MATN2: variants seen among roughly 807,000 people sequenced by gnomAD.
The protein encoded by MATN2 is matrilin 2.
A neutral mutation model predicts 103.2 loss-of-function variants in MATN2; 69 were observed. That is an observed-to-expected ratio of 0.67 (90% CI 0.55 to 0.82). The LOEUF is 0.82. MATN2 is among the 40% of genes least tolerant of loss of function. The pLI, the probability that MATN2 is intolerant of heterozygous loss-of-function variation, is 0.00. For missense variants in MATN2, 1,023 were observed against 1,211.5 expected (o/e 0.84, Z 2.31); for synonymous variants, 429 against 450.2 (o/e 0.95, Z 0.60).
At chr8:97,944,845 A>G (rs1366366690) in intron 4 of MATN2, among the ~76,000 whole-genome samples, 1 of 152,172 alleles carries the variant, frequency 6.6e-6, no homozygotes, top group Non-Finnish European at 1.5e-5. Context: ...AGCTGTTTCC[A>G]CTTAATTTCC....
rs1363938455 is a variant in MATN2 at position 97,888,212 on chromosome 8, G to T, written c.112G>T (p.Ala38Ser). The T allele has an allele frequency of 1.3e-6, 2 of 1,585,370 alleles. No homozygotes were observed. Among genetic ancestry groups the T allele is most frequent in the East Asian group, 4.6e-5 (2 of 43,346 alleles). Residue 38 changes from alanine (A) to serine (S), a missense_variant, in exon 2 of 19, where the codon GCT becomes TCT. Ala to Ser is a moderately conservative substitution (Grantham distance 99). Transcript: ENST00000254898. ...GAGGTCCATCTCTAGGGGCAGACAC[G>T]CTCGGACCCACCCGCAGACGGCCCT... ...RGRSISRGRH[A>S]RTHPQTALLE...
At chr8:97,989,890 T>C (rs960753488) in intron 6 of MATN2, among the ~76,000 whole-genome samples, 1 of 150,608 alleles carries the variant, frequency 6.6e-6, no homozygotes, top group Non-Finnish European at 1.5e-5. Flanking sequence ...TTTAAAAAAA[T>C]ACCTTTTCAG....
At position 98,036,101 on chromosome 8, in the gene MATN2, C is replaced by T. The variant is rs2615; in HGVS notation, c.*389C>T. On this transcript the variant is annotated 3_prime_UTR_variant, in exon 19 of 19. Transcript: ENST00000254898. Reference sequence around the variant, plus strand: ...CCATAGGAAATGCTGTTTTTTTGTACTGGACTTTACCTTGATATATGTATA... The same window carrying T: ...CCATAGGAAATGCTGTTTTTTTGTATTGGACTTTACCTTGATATATGTATA... 0.47 allele frequency: 75,527 copies of T among 161,930 alleles called. 19,202 individuals are homozygous for T. Among genetic ancestry groups the T allele is most frequent in the African/African-American group, 0.68 (28,434 of 41,972 alleles). 10.0% of individuals were successfully genotyped at this position (161,930 alleles called of 1,614,324 possible).
At chr8:97,928,556 G>T (rs1432297569) in intron 2 of MATN2, among the ~76,000 whole-genome samples, 3 of 152,174 alleles carry the variant, frequency 2.0e-5, no homozygotes, top group Non-Finnish European at 4.4e-5. Flanking sequence ...TGCCTCTTAG[G>T]GTGGCTCAGC....
At chr8:98,011,767 A>C (rs1452396807) in intron 10 of MATN2, among the ~76,000 whole-genome samples, 3 of 152,192 alleles carry the variant, frequency 2.0e-5, no homozygotes, top group African/African-American at 7.2e-5. Flanking sequence ...GTGGAGCCCC[A>C]GACGCAGGAT....
intron 2 of MATN2, 148 bp from the exon 3 acceptor site, chr8:97,930,805 A>G: frequency 1.8e-6 from 1 of 560,134 alleles, no homozygotes; most frequent in Non-Finnish European, 3.1e-6. Context: ...TATTTTTAGT[A>G]GAGACAGGGT....
chr8:97,941,161 C>CA (rs1186024165), intron 3 of MATN2, among the ~76,000 whole-genome samples: 904 of 77,928 alleles, frequency 0.012, 18 homozygotes, highest in African/African-American at 0.018. Flanking sequence ...GACCTTGTCT[C>CA]AAAAAAAAAA....
At chr8:97,989,728 C>A (rs12676252) in intron 6 of MATN2, among the ~76,000 whole-genome samples, 53,253 of 151,848 alleles carry the variant, frequency 0.35, 10,689 homozygotes, top group African/African-American at 0.56. Context: ...AACAGATAAC[C>A]TGATCACCTG....
intron 2 of MATN2, among the ~76,000 whole-genome samples, chr8:97,903,819 G>A (rs898196353): frequency 1.3e-5 from 2 of 152,172 alleles, no homozygotes; most frequent in Non-Finnish European, 2.9e-5. Flanking sequence ...CCAAGGGGAC[G>A]GAGATAGGAC....
rs71271184 is a variant in MATN2, at chr8:98,026,178, CAAAA to C, written c.1943-1219_1943-1216del. Among the ~76,000 whole-genome samples the C allele has an allele frequency of 9.3e-3, 1,024 of 109,702 alleles. 32 individuals carry two copies. In the East Asian group the frequency reaches 0.13, roughly 13 times the overall value. The allele number at this position is 109,702 out of a possible 152,430, so 72.0% of individuals were successfully genotyped here. ...TGGGTAACAGAGCAAGACTCAATCT[CAAAA>C]AAAAAAAAAAAAAAAAAATGCCTGA... On this transcript the variant is annotated intron_variant, in intron 13 of 18. Transcript: ENST00000254898.
chr8:97,929,027 T>TC (rs1810089018), intron 2 of MATN2, among the ~76,000 whole-genome samples: 1 of 152,146 alleles, frequency 6.6e-6, no homozygotes, highest in Non-Finnish European at 1.5e-5. Flanking sequence ...CCTCAAAGGC[T>TC]CACTTTCTGG....
chr8:97,871,280 G>A (rs1396832739), intron 1 of MATN2, among the ~76,000 whole-genome samples: 1 of 152,212 alleles, frequency 6.6e-6, no homozygotes, highest in Non-Finnish European at 1.5e-5. Flanking sequence ...AGTTCTGACT[G>A]GCACCTAAGA....
chr8:97,888,235 C>T lies in MATN2; in HGVS notation c.135C>T (p.Ala45=). 6.4e-7 allele frequency: 1 copy of T among 1,555,672 alleles called. No individual in the cohort carries two copies. Among genetic ancestry groups the T allele is most frequent in the Non-Finnish European group, 8.7e-7 (1 of 1,148,680 alleles). ...GRHARTHPQT[A]LLESSCENKR... is the part of the protein sequence containing the mutation. ...ACGCTCGGACCCACCCGCAGACGGC[C>T]CTTCTGGGTGAGTGGTGGTGCTCAC... The change falls in exon 2 of 19, where the codon GCC becomes GCT. Residue 45 remains alanine, a synonymous_variant. Coordinates refer to ENST00000254898, the MANE Select transcript of MATN2 (RefSeq NM_002380.5).
intron 18 of MATN2, 60 bp from the exon 19 acceptor site, chr8:98,035,597 G>A: frequency 1.9e-6 from 2 of 1,057,750 alleles, no homozygotes; most frequent in South Asian, 3.2e-5. Context: ...GATAAATCAA[G>A]TTATATTTAA....
chr8:97,915,707 A>C (rs934072485), intron 2 of MATN2, among the ~76,000 whole-genome samples: 2 of 152,252 alleles, frequency 1.3e-5, no homozygotes, highest in Admixed American at 1.3e-4. Flanking sequence ...CAGAAAGCAG[A>C]TGAAGCAATT....
chr8:97,878,460 A>G (rs568609399), intron 1 of MATN2, among the ~76,000 whole-genome samples: 5 of 151,776 alleles, frequency 3.3e-5, no homozygotes, highest in Admixed American at 6.6e-5. Context: ...CTGAGGCAGG[A>G]GGATTGCTTG....
chr8:98,016,690 C>T (rs757964038), intron 11 of MATN2, 28 bp downstream of exon 11: 2 of 1,604,158 alleles, frequency 1.2e-6, no homozygotes, highest in East Asian at 4.5e-5. Flanking sequence ...CTGGCTCCTA[C>T]TACTATGCCA....
At chr8:97,954,478 T>C (rs1586086545) in intron 4 of MATN2, among the ~76,000 whole-genome samples, 3 of 152,336 alleles carry the variant, frequency 2.0e-5, no homozygotes, top group African/African-American at 4.8e-5. Context: ...GATTTGTAGA[T>C]TTGCCAATTT....
chr8:97,942,110 G>C (rs1175529269), intron 4 of MATN2, among the ~76,000 whole-genome samples: 4 of 152,158 alleles, frequency 2.6e-5, no homozygotes, highest in Admixed American at 6.5e-5. Context: ...GGAAGAGTTG[G>C]AGAGATAGGT....
Sources: allele counts gnomAD v4.1 joint callset (sites outside exome capture counted in the v4.1 genomes callset), GRCh38; gene constraint gnomAD v4.1.1; transcripts MANE v1.5; gene names NCBI Gene and HGNC (gene_info 2026-07-23, HGNC 2026-07-21).